Variants in ACSF2 observed in about 807,000 individuals in gnomAD.
ACSF2 encodes the protein acyl-CoA synthetase family member 2.
Under a neutral mutation model 79.3 loss-of-function variants are expected in ACSF2, and 52 were observed. The ratio of observed to expected loss-of-function variants is 0.66; its 90% CI spans 0.53 to 0.83. The LOEUF (loss-of-function observed/expected upper bound fraction) is 0.83. ACSF2 is among the 40% of genes least tolerant of loss of function. ACSF2 has a pLI of 0.00. For synonymous variants in ACSF2, 283 were observed against 312.6 expected, an observed-to-expected ratio of 0.91 and a Z score of 1.00; for missense variants, 661 against 803.3, an observed-to-expected ratio of 0.82 and a Z score of 2.14.
At chr17:50,437,350 T>G (rs2030515380) in intron 1 of ACSF2, among the ~76,000 whole-genome samples, 1 of 152,184 alleles carries the variant, frequency 6.6e-6, no homozygotes, top group South Asian at 2.1e-4. Flanking sequence ...TCTTGCTTAT[T>G]GCATAAATGT....
chr17:50,468,744 G>A (rs1409109262), intron 10 of ACSF2: 2 of 1,605,642 alleles, frequency 1.2e-6, no homozygotes, highest in Non-Finnish European at 1.7e-6. Flanking sequence ...CAGTTCTGGG[G>A]GCAGGCGGCC....
In ACSF2 at chr17:50,471,481, C is replaced by T. The variant is rs2033120089; in HGVS notation, c.1323+346C>T. On this transcript the variant is annotated intron_variant, in intron 11 of 15. Coordinates refer to ENST00000300441, the MANE Select transcript of ACSF2 (RefSeq NM_025149.6). The surrounding 1 kb of genome is among the most constrained non-coding windows in gnomAD (Gnocchi z 4.1). ...CACAGAGAGTTTTCCTACACAGCTT[C>T]TTTTCCTCCAGTGGTGCTCGCCTCT... The T allele has an allele frequency of 3.2e-6, 1 of 316,076 alleles. No homozygotes were observed. Among genetic ancestry groups the T allele is most frequent in the Non-Finnish European group, 6.1e-6 (1 of 163,058 alleles). The allele number at this position is 316,076 out of a possible 1,614,324, so 19.6% of individuals were successfully genotyped here. A position where few individuals can be genotyped will look rare whatever the true frequency, so the allele number is the denominator to read the frequency against.
chr17:50,464,610 G>C, intron 10 of ACSF2: 1 of 536,818 alleles, frequency 1.9e-6, no homozygotes, highest in South Asian at 1.5e-5. Flanking sequence ...GTGGGGGCTG[G>C]CAGAGTTGGG....
rs2032403897 is a variant in ACSF2 at position 50,462,455 on chromosome 17, C to G, written c.662C>G (p.Ala221Gly). The G allele has an allele frequency of 6.2e-7, 1 of 1,613,234 alleles. No homozygotes were observed. Among genetic ancestry groups the G allele is most frequent in the Admixed American group, 1.7e-5 (1 of 59,946 alleles). The change falls in exon 6 of 16, where the codon GCC (alanine) becomes GGC (glycine). Residue 221 changes from alanine to glycine, a missense_variant. Physicochemically the swap from Ala to Gly is moderately conservative, Grantham distance 60. Transcript: ENST00000300441. Reference sequence around the variant, plus strand: ...CTGACCACAGTCATCTCGGTGGATGCCCCTTTGCCGGGGACCCTGCTCCTG... The same window carrying G: ...CTGACCACAGTCATCTCGGTGGATGGCCCTTTGCCGGGGACCCTGCTCCTG... ...PDLTTVISVD[A>G]PLPGTLLLDE...
Position 50,463,888 on chromosome 17 carries a change from GA to G in ACSF2, c.1118del (p.Asp373AlafsTer19). On this transcript the variant is annotated frameshift_variant, in exon 9 of 16. Coordinates refer to ENST00000300441, the MANE Select transcript of ACSF2 (RefSeq NM_025149.6). LOFTEE classifies it high-confidence loss of function. This position sits in a 1 kb window ranked among gnomAD's most constrained non-coding sequence, Gnocchi z 4.6. Reference sequence around the variant, plus strand: ...GAACCAGCCAGACTTCTCCAGTTATGACATCTCGACCATGTGTGGAGGTGGG... The same window carrying G: ...GAACCAGCCAGACTTCTCCAGTTATGCATCTCGACCATGTGTGGAGGTGGG... ...ILNQPDFSSY[D>X]ISTMCGGVIA... is the part of the protein sequence containing the mutation. 1 of 1,614,142 alleles carries G rather than the reference GA, an allele frequency of 6.2e-7. No homozygotes were observed. Among genetic ancestry groups the G allele is most frequent in the Non-Finnish European group, 8.5e-7 (1 of 1,180,026 alleles).
chr17:50,469,103 C>A, intron 10 of ACSF2: 3 of 1,152,800 alleles, frequency 2.6e-6, no homozygotes, highest in South Asian at 2.9e-5. Flanking sequence ...TGAGCCCCGG[C>A]TGTAGCCCCC....
At chr17:50,459,673 T>C (rs1297789685) in intron 1 of ACSF2, among the ~76,000 whole-genome samples, 1 of 152,050 alleles carries the variant, frequency 6.6e-6, no homozygotes, top group Non-Finnish European at 1.5e-5. Flanking sequence ...TGGGAGGAGA[T>C]GGGTAGTTCC....
At chr17:50,461,550 C>T (rs1042210288) in intron 3 of ACSF2, 83 bp from the exon 4 acceptor site, 3 of 1,604,818 alleles carry the variant, frequency 1.9e-6, no homozygotes, top group South Asian at 1.1e-5. Context: ...AGAGTGCTGC[C>T]TCTATGCCTC....
At chr17:50,427,781 C>A (rs1915136170) in intron 1 of ACSF2, among the ~76,000 whole-genome samples, 1 of 152,190 alleles carries the variant, frequency 6.6e-6, no homozygotes, top group Admixed American at 6.5e-5. Context: ...ACATTTCTGA[C>A]CTTTGACTTT....
chr17:50,462,771 C>T (rs2032427734), intron 6 of ACSF2, 186 bp downstream of exon 6: 1 of 696,514 alleles, frequency 1.4e-6, no homozygotes, highest in South Asian at 2.0e-5. Flanking sequence ...CCTCCCCTAG[C>T]CCCCCGCCCT....
At chr17:50,459,812 G>A (rs1049335815) in intron 1 of ACSF2, among the ~76,000 whole-genome samples, 16 of 152,056 alleles carry the variant, frequency 1.1e-4, no homozygotes, top group Admixed American at 8.5e-4. Context: ...GAAGAGTCCC[G>A]GCCCCAGACT....
At chr17:50,441,337 A>T (rs2030897980) in intron 1 of ACSF2, among the ~76,000 whole-genome samples, 1 of 152,042 alleles carries the variant, frequency 6.6e-6, no homozygotes, top group Non-Finnish European at 1.5e-5. Context: ...CACCCAGCTA[A>T]ATTTTTTTGG....
At chr17:50,440,130 G>C (rs1254351046) in intron 1 of ACSF2, among the ~76,000 whole-genome samples, 7 of 151,748 alleles carry the variant, frequency 4.6e-5, no homozygotes, top group South Asian at 2.1e-4. Flanking sequence ...AGCCTCCCAT[G>C]GGGGGTAAGG....
chr17:50,462,669 G>A (rs1947655893), intron 6 of ACSF2, 84 bp downstream of exon 6: 1 of 1,474,364 alleles, frequency 6.8e-7, no homozygotes. Flanking sequence ...TGGGGAGACA[G>A]CAGAGGAGAG....
chr17:50,460,648 A>G, intron 1 of ACSF2, 29 bp from the exon 2 acceptor site: 2 of 1,590,360 alleles, frequency 1.3e-6, no homozygotes, highest in Non-Finnish European at 8.6e-7. Context: ...GATCTGGGAC[A>G]GTCAAACCCA....
intron 1 of ACSF2, among the ~76,000 whole-genome samples, chr17:50,454,720 C>T (rs1382474671): frequency 3.3e-5 from 5 of 152,166 alleles, no homozygotes; most frequent in Non-Finnish European, 7.3e-5. Context: ...TTATTCCACA[C>T]AACGTGGCCA....
At chr17:50,468,301 C>T in intron 10 of ACSF2, 2 of 1,613,898 alleles carry the variant, frequency 1.2e-6, no homozygotes, top group Middle Eastern at 1.6e-4. Flanking sequence ...AGCGCAGGTC[C>T]TTGGCTCCCT....
intron 1 of ACSF2, among the ~76,000 whole-genome samples, chr17:50,432,204 T>G (rs1405047051): frequency 6.6e-6 from 1 of 152,186 alleles, no homozygotes; most frequent in Non-Finnish European, 1.5e-5. Context: ...CGCCTGGCCT[T>G]GACTTTTCTT....
chr17:50,426,568 A>G (rs1307529751), intron 1 of ACSF2, among the ~76,000 whole-genome samples, 179 bp downstream of exon 1: 1 of 152,018 alleles, frequency 6.6e-6, no homozygotes, highest in Non-Finnish European at 1.5e-5. Flanking sequence ...GGCCTGGTGG[A>G]CTTGGGTGGG....
Sources: gnomAD v4.1 joint callset for allele counts (sites outside exome capture counted in the v4.1 genomes callset) on GRCh38, gnomAD v4.1.1 for gene constraint, Gnocchi (gnomAD v3.1) non-coding constraint, MANE v1.5 for transcripts, NCBI Gene and HGNC (gene_info 2026-07-23, HGNC 2026-07-21) for gene names.